SLC9A3: variants seen among roughly 807,000 people sequenced by gnomAD.
The protein encoded by SLC9A3 is sodium/hydrogen exchanger 3.
SLC9A3 carries 37 observed loss-of-function variants against 86.8 expected under a neutral mutation model. The observed-to-expected ratio is 0.43, with a 90% CI of 0.33 to 0.56. SLC9A3 has a LOEUF of 0.56. Ranked by LOEUF, SLC9A3 falls within the 20% of genes least tolerant of loss-of-function variation. The pLI, the probability that SLC9A3 is intolerant of heterozygous loss-of-function variation, is 0.06. For synonymous variants in SLC9A3, 581 were observed against 528.3 expected (o/e 1.10, Z -1.37); for missense variants, 1,011 against 1,171.9 (o/e 0.86, Z 2.00).
At chr5:482,493 A>G (rs1739251759) in intron 7 of SLC9A3, 55 bp downstream of exon 7, 3 of 1,444,450 alleles carry the variant, frequency 2.1e-6, no homozygotes, top group Middle Eastern at 2.0e-4. Flanking sequence ...GTGCGGGCCC[A>G]GGCTCCCCTC....
At position 473,038 on chromosome 5, in the gene SLC9A3, G is replaced by C. The variant is rs1455182438; in HGVS notation, c.*341C>G. 1 of 367,404 alleles carries C rather than the reference G, an allele frequency of 2.7e-6. No individual in the cohort carries two copies. The highest frequency in any genetic ancestry group is 4.8e-6 in the Non-Finnish European group (1 of 207,004). 22.8% of individuals were successfully genotyped at this position (367,404 alleles called of 1,614,324 possible). A position where few individuals can be genotyped will look rare whatever the true frequency, so the allele number is the denominator to read the frequency against. On this transcript the variant is annotated 3_prime_UTR_variant, in exon 17 of 17. Transcript: ENST00000264938. ...GAGGGCGGCAGCGACGCCAGCTTCA[G>C]CAGCGCGGGGCGGCGGCGCGCGCGA...
In SLC9A3 at chr5:494,190, G is replaced by A. The variant is rs560083713; in HGVS notation, c.212-2119C>T. On this transcript the variant is annotated intron_variant, in intron 1 of 16. Transcript: ENST00000264938. ...CTGTGATGCACGTGAGAAGTCCTGG[G>A]ACCCTAACGCGTGCCCCGACAGCCC... Among the ~76,000 whole-genome samples the A allele has an allele frequency of 5.3e-5, 8 of 152,354 alleles. No individual in the cohort carries two copies. The East Asian group carries it at 1.5e-3, about 29-fold the overall frequency.
At chr5:507,167 T>TC (rs1740626976) in intron 1 of SLC9A3, among the ~76,000 whole-genome samples, 1 of 24,850 alleles carries the variant, frequency 4.0e-5, no homozygotes, top group African/African-American at 2.1e-4. Flanking sequence ...CTGCTGCTTC[T>TC]TTTTTTTTTT....
At chr5:479,661 A>G in intron 10 of SLC9A3, 175 bp downstream of exon 10, 1 of 620,188 alleles carries the variant, frequency 1.6e-6, no homozygotes, top group Non-Finnish European at 2.8e-6. Flanking sequence ...TTACCCCACG[A>G]GAGCCCCTGG....
chr5:472,637 C>T lies in SLC9A3; in HGVS notation c.*742G>A. 2.2e-6 allele frequency: 1 copy of T among 456,770 alleles called. No individual in the cohort carries two copies. The highest frequency in any genetic ancestry group is 4.3e-6 in the Non-Finnish European group (1 of 230,920). 28.3% of individuals were successfully genotyped at this position (456,770 alleles called of 1,614,324 possible). On this transcript the variant is annotated 3_prime_UTR_variant, in exon 17 of 17. Coordinates refer to ENST00000264938, the MANE Select transcript of SLC9A3 (RefSeq NM_004174.4). ...AGGTACTGGCTTTAGGAGTCTAAATCCCCAAACGCTGAGCAGACGGAAGAC... is the reference window on the plus strand; with the variant it reads ...AGGTACTGGCTTTAGGAGTCTAAATTCCCAAACGCTGAGCAGACGGAAGAC...
chr5:495,008 G>GGC (rs1444942929), intron 1 of SLC9A3, among the ~76,000 whole-genome samples: 1 of 152,120 alleles, frequency 6.6e-6, no homozygotes, highest in African/African-American at 2.4e-5. Context: ...CAGCCAGCGG[G>GGC]GCACGTGTGG....
Position 473,300 on chromosome 5 carries a change from C to G in SLC9A3, c.*79G>C, listed in dbSNP as rs917854574. On this transcript the variant is annotated 3_prime_UTR_variant, in exon 17 of 17. Coordinates refer to ENST00000264938, the MANE Select transcript of SLC9A3 (RefSeq NM_004174.4). ...GTAGCCGCGCGGGGATCTGGGGTTT[C>G]TCTGGGACAGCGGCGGCGGCGGTGG... is the stretch of plus-strand genomic sequence containing the variant. The G allele has an allele frequency of 5.6e-5, 76 of 1,352,396 alleles. No homozygotes were observed. Among genetic ancestry groups the G allele is most frequent in the Non-Finnish European group, 6.5e-5 (68 of 1,047,828 alleles). The allele number at this position is 1,352,396 out of a possible 1,614,324, so 83.8% of individuals were successfully genotyped here. A position where few individuals can be genotyped will look rare whatever the true frequency, so the allele number is the denominator to read the frequency against.
chr5:503,306 C>G (rs1447401113), intron 1 of SLC9A3, among the ~76,000 whole-genome samples: 1 of 152,190 alleles, frequency 6.6e-6, no homozygotes. Context: ...GAGGCCAAGG[C>G]AGGAGGATCG....
At chr5:485,819 C>G (rs1275082630) in intron 3 of SLC9A3, among the ~76,000 whole-genome samples, 1 of 152,204 alleles carries the variant, frequency 6.6e-6, no homozygotes, top group Non-Finnish European at 1.5e-5. Context: ...GACCCTGGGG[C>G]AGGCGTGTAA....
intron 1 of SLC9A3, among the ~76,000 whole-genome samples, chr5:509,913 G>A (rs372106245): frequency 3.3e-5 from 5 of 152,230 alleles, no homozygotes; most frequent in African/African-American, 9.6e-5. Flanking sequence ...GGGGCCCTGC[G>A]GGCAGCCGGC....
intron 3 of SLC9A3, among the ~76,000 whole-genome samples, chr5:486,194 C>T (rs1394974463): frequency 6.6e-6 from 1 of 152,168 alleles, no homozygotes; most frequent in Non-Finnish European, 1.5e-5. Flanking sequence ...ACCCTTCCCT[C>T]CGGCTGCGTC....
intron 1 of SLC9A3, among the ~76,000 whole-genome samples, chr5:517,049 C>G (rs1014617291): frequency 6.6e-6 from 1 of 152,174 alleles, no homozygotes; most frequent in Non-Finnish European, 1.5e-5. Flanking sequence ...TCCACTCATT[C>G]GTTCATTCCT....
Position 476,059 on chromosome 5 carries a change from T to G in SLC9A3, c.2101A>C (p.Met701Leu). The G allele has an allele frequency of 6.2e-7, 1 of 1,613,328 alleles. No homozygotes were observed. The highest frequency in any genetic ancestry group is 8.5e-7 in the Non-Finnish European group (1 of 1,179,878). Residue 701 changes from methionine to leucine, a missense_variant, in exon 14 of 17, where the codon ATG becomes CTG. This residue lies in a region of SLC9A3 where 397 missense variants were observed against 346.3 expected (regional missense o/e 1.15). Transcript: ENST00000264938. ...GTGAAATTCTGCGCAGGGCTCTCCA[T>G]GGGCAGCTTCCCATTGGGGATGCTG... is the stretch of plus-strand genomic sequence containing the variant. ...NSSIPNGKLP[M>L]ESPAQNFTIK...
rs1374943653 is a variant in SLC9A3, at chr5:483,495, A to G, written c.933-13T>C. On this transcript the variant is annotated splice_polypyrimidine_tract_variant and intron_variant, in intron 5 of 16. Coordinates refer to ENST00000264938, the MANE Select transcript of SLC9A3 (RefSeq NM_004174.4). ...ACAGAAGGTGATGCTGCAGGGACAGACGCGCCTCAGGACACGGCCACCTGG... is the reference window on the plus strand; with the variant it reads ...ACAGAAGGTGATGCTGCAGGGACAGGCGCGCCTCAGGACACGGCCACCTGG... 18 of 1,553,714 alleles carry G rather than the reference A, an allele frequency of 1.2e-5. No individual in the cohort carries two copies. Among genetic ancestry groups the G allele is most frequent in the Admixed American group, 1.9e-5 (1 of 52,264 alleles).
intron 3 of SLC9A3, 72 bp from the exon 4 acceptor site, chr5:485,303 G>T (rs72700697): frequency 1.6e-6 from 2 of 1,250,550 alleles, no homozygotes; most frequent in African/African-American, 2.9e-5. Flanking sequence ...CCCGGGCCTC[G>T]CTGGACTTGG....
intron 1 of SLC9A3, among the ~76,000 whole-genome samples, chr5:522,651 G>C (rs963106765): frequency 6.6e-6 from 1 of 151,698 alleles, no homozygotes; most frequent in African/African-American, 2.4e-5. Context: ...CCAGCTACTC[G>C]GGAGGCTGAG....
At chr5:478,265 ATCT>A (rs1219708816) in intron 10 of SLC9A3, 3 of 152,198 alleles carry the variant, frequency 2.0e-5, no homozygotes, top group African/African-American at 7.2e-5. Flanking sequence ...TAAATCCAGC[ATCT>A]TCTGTATGAC....
intron 1 of SLC9A3, 23 bp downstream of exon 1, chr5:524,089 C>A (rs1348806730): frequency 2.7e-6 from 4 of 1,457,310 alleles, no homozygotes; most frequent in Non-Finnish European, 3.7e-6. Flanking sequence ...GCGGGCAGAT[C>A]CGGAGACCCC....
In SLC9A3 at chr5:496,332, G is replaced by GCCGCCCC. The variant is rs1740018621; in HGVS notation, c.212-4262_212-4261insGGGGCGG. ...CGTCCCACCTGCCCACGGGGGAGGA[G>GCCGCCCC]CCGCACCCATCCCCACCGGCCAGGC... On this transcript the variant is annotated intron_variant, in intron 1 of 16. Coordinates refer to ENST00000264938, the MANE Select transcript of SLC9A3 (RefSeq NM_004174.4). The surrounding 1 kb of genome is among the most constrained non-coding windows in gnomAD (Gnocchi z 4.7). Among the ~76,000 whole-genome samples the GCCGCCCC allele has an allele frequency of 6.6e-6, 1 of 151,822 alleles. No homozygotes were observed. The highest frequency in any genetic ancestry group is 2.4e-5 in the African/African-American group (1 of 41,324).
Sources: gnomAD v4.1 joint callset for allele counts (sites outside exome capture counted in the v4.1 genomes callset) on GRCh38, gnomAD v4.1.1 for gene constraint, gnomAD v4.1.1 regional missense constraint, Gnocchi (gnomAD v3.1) non-coding constraint, MANE v1.5 for transcripts, NCBI Gene and HGNC (gene_info 2026-07-23, HGNC 2026-07-21) for gene names.